ADGRB3: variants seen among roughly 807,000 people sequenced by gnomAD.
ADGRB3 encodes the protein adhesion G protein-coupled receptor B3, also known as brain-specific angiogenesis inhibitor 3.
In ADGRB3, 37 loss-of-function variants were observed where a neutral mutation model predicts 193.4. The observed-to-expected ratio is 0.19, with a 90% CI of 0.15 to 0.25. The LOEUF is 0.25. ADGRB3 is among the 10% of genes least tolerant of loss of function. The pLI is 1.00. For missense variants in ADGRB3, 1,637 were observed against 1,852.9 expected, an observed-to-expected ratio of 0.88 and a Z score of 2.14; for synonymous variants, 690 against 644.2, an observed-to-expected ratio of 1.07 and a Z score of -1.08.
chr6:68,932,041 T>C (rs568103481), intron 4 of ADGRB3, among the ~76,000 whole-genome samples: 1 of 152,280 alleles, frequency 6.6e-6, no homozygotes, highest in African/African-American at 2.4e-5. Context: ...TGTATTTCTC[T>C]CCTTTACAGG....
At chr6:69,206,378 TG>T (rs1175226266) in intron 17 of ADGRB3, among the ~76,000 whole-genome samples, 1 of 152,068 alleles carries the variant, frequency 6.6e-6, no homozygotes, top group African/African-American at 2.4e-5. Context: ...TAATCTCCTT[TG>T]GCAATGCCCT....
At chr6:69,224,718 T>G (rs1765972822) in intron 17 of ADGRB3, among the ~76,000 whole-genome samples, 1 of 152,188 alleles carries the variant, frequency 6.6e-6, no homozygotes, top group African/African-American at 2.4e-5. Flanking sequence ...AGTACTCTTC[T>G]TCAGTTTTAT....
chr6:69,226,157 A>G (rs959398613), intron 17 of ADGRB3, among the ~76,000 whole-genome samples: 4 of 152,300 alleles, frequency 2.6e-5, no homozygotes, highest in East Asian at 1.9e-4. Flanking sequence ...TGTGTATTTT[A>G]TGACACAAAA....
At chr6:69,073,168 C>A (rs1166713848) in intron 16 of ADGRB3, among the ~76,000 whole-genome samples, 1 of 152,152 alleles carries the variant, frequency 6.6e-6, no homozygotes, top group Non-Finnish European at 1.5e-5. Context: ...TTCTATAGGA[C>A]TATGACCTTT....
intron 17 of ADGRB3, among the ~76,000 whole-genome samples, chr6:69,141,602 G>A (rs1208705916): frequency 2.6e-5 from 4 of 152,010 alleles, no homozygotes; most frequent in African/African-American, 4.8e-5. Context: ...ATATGAAGAG[G>A]TCAGAGTGAC....
At chr6:68,818,794 C>A (rs1308713477) in intron 3 of ADGRB3, among the ~76,000 whole-genome samples, 1 of 152,020 alleles carries the variant, frequency 6.6e-6, no homozygotes, top group Non-Finnish European at 1.5e-5. Flanking sequence ...ACAGAAAATT[C>A]AAGGACGAGA....
At chr6:68,869,088 T>C (rs796667619) in intron 3 of ADGRB3, among the ~76,000 whole-genome samples, 7 of 152,300 alleles carry the variant, frequency 4.6e-5, no homozygotes, top group African/African-American at 1.7e-4. Flanking sequence ...GATTTTATCC[T>C]TCTCAGCAGT....
chr6:68,745,382 C>G lies in ADGRB3; in HGVS notation c.757+105950C>G, dbSNP rs56060160. 2.1e-3 allele frequency among the ~76,000 whole-genome samples: 313 copies of G among 152,056 alleles called. 1 individual carries two copies. The highest frequency in any genetic ancestry group is 3.5e-3 in the Non-Finnish European group (235 of 67,970). ...GTATGATTCCACTTATATGAGGTAT[C>G]CAAAGTAGTCAAATTTATAGCAACA... On this transcript the variant is annotated intron_variant, in intron 3 of 31. Transcript: ENST00000370598.
intron 20 of ADGRB3, among the ~76,000 whole-genome samples, chr6:69,260,256 A>G (rs1333625780): frequency 2.0e-5 from 3 of 152,136 alleles, no homozygotes; most frequent in Admixed American, 1.3e-4. Context: ...TATTTTGTCT[A>G]TGATTTTACA....
intron 10 of ADGRB3, among the ~76,000 whole-genome samples, chr6:68,978,320 GTAGA>G (rs1339262562): frequency 1.5e-5 from 2 of 133,360 alleles, no homozygotes; most frequent in Non-Finnish European, 3.2e-5. Context: ...AGGTAGGTAG[GTAGA>G]TAGATACATA....
chr6:69,018,405 A>C lies in ADGRB3; in HGVS notation c.2013A>C (p.Ser671=), dbSNP rs764141813. The change falls in exon 13 of 32, where the codon TCA becomes TCC. Residue 671 remains serine, a synonymous_variant. Coordinates refer to ENST00000370598, the MANE Select transcript of ADGRB3 (RefSeq NM_001704.3). ...WEDAQQIYPG[S]IELMQVIEDF... ...TATTTTTCTAGATTTATCCAGGGTC[A>C]ATAGAGTTAATGCAGGTGATTGAAG... 3 of 1,601,614 alleles carry C rather than the reference A, an allele frequency of 1.9e-6. No individual in the cohort carries two copies. Among genetic ancestry groups the C allele is most frequent in the South Asian group, 2.2e-5 (2 of 90,054 alleles).
At chr6:69,190,836 C>G in intron 17 of ADGRB3, among the ~76,000 whole-genome samples, 1 of 152,198 alleles carries the variant, frequency 6.6e-6, no homozygotes, top group South Asian at 2.1e-4. Flanking sequence ...TACACAAATA[C>G]TTATAATTAT....
chr6:68,941,985 A>G (rs1221186856), intron 5 of ADGRB3, among the ~76,000 whole-genome samples: 3 of 151,354 alleles, frequency 2.0e-5, no homozygotes, highest in Non-Finnish European at 4.4e-5. Context: ...TTTATGGGAA[A>G]AAAGTAAAAC....
chr6:69,330,569 C>G lies in ADGRB3; in HGVS notation c.3099C>G (p.Val1033=), dbSNP rs1274336660. The change falls in exon 23 of 32, where the codon GTC becomes GTG. Residue 1033 remains valine (V), a synonymous_variant. Coordinates refer to ENST00000370598, the MANE Select transcript of ADGRB3 (RefSeq NM_001704.3). ...YAFVGPAAAV[V]LVNMVIGILV... is the part of the protein sequence containing the mutation. ...TTGTGGGACCTGCAGCCGCTGTTGT[C>G]CTGGTAAACATCAAAATCAACCTAT... The G allele has an allele frequency of 2.5e-6, 4 of 1,605,768 alleles. No individual in the cohort carries two copies. In the East Asian group the frequency reaches 8.9e-5, roughly 36 times the overall value.
intron 8 of ADGRB3, among the ~76,000 whole-genome samples, chr6:68,959,625 G>A (rs1028874240): frequency 7.2e-5 from 11 of 152,008 alleles, no homozygotes; most frequent in Non-Finnish European, 1.6e-4. Context: ...TACTGAAAAT[G>A]AAAAATAAAA....
intron 3 of ADGRB3, among the ~76,000 whole-genome samples, chr6:68,751,504 G>A (rs1415571646): frequency 1.3e-5 from 2 of 152,168 alleles, no homozygotes; most frequent in Non-Finnish European, 2.9e-5. Flanking sequence ...CATGGAGGAA[G>A]AGAGAACTCT....
intron 26 of ADGRB3, among the ~76,000 whole-genome samples, chr6:69,353,898 T>C (rs575287675): frequency 2.3e-4 from 35 of 152,216 alleles, no homozygotes; most frequent in African/African-American, 8.4e-4. Flanking sequence ...ACCCCATCTC[T>C]ACTAAAAATA....
intron 17 of ADGRB3, among the ~76,000 whole-genome samples, chr6:69,214,999 T>C (rs1000356672): frequency 6.6e-6 from 1 of 152,008 alleles, no homozygotes. Flanking sequence ...CCATCTACTC[T>C]TGGGAAAACA....
chr6:68,682,117 C>T (rs1764907408), intron 3 of ADGRB3, among the ~76,000 whole-genome samples: 1 of 152,204 alleles, frequency 6.6e-6, no homozygotes, highest in African/African-American at 2.4e-5. Flanking sequence ...TCTTCCCACT[C>T]TACATTTACA....
Sources: gnomAD v4.1 joint callset for allele counts (sites outside exome capture counted in the v4.1 genomes callset) on GRCh38, gnomAD v4.1.1 for gene constraint, MANE v1.5 for transcripts, NCBI Gene and HGNC (gene_info 2026-07-23, HGNC 2026-07-21) for gene names.